The following RHOT1 variants were observed in gnomAD, a reference collection of about 807,000 sequenced individuals.
RHOT1 encodes ras homolog family member T1, also known as mitochondrial Rho GTPase 1.
RHOT1 carries 27 observed loss-of-function variants against 95.3 expected under a neutral mutation model. The observed-to-expected ratio is 0.28, with a 90% CI of 0.21 to 0.39. The LOEUF (loss-of-function observed/expected upper bound fraction) is 0.39, where lower values mean the gene tolerates loss of function less well. RHOT1 is among the 10% of genes least tolerant of loss of function. The pLI, the probability that RHOT1 is intolerant of heterozygous loss-of-function variation, is 1.00. For synonymous variants in RHOT1, 227 were observed against 263.5 expected, an observed-to-expected ratio of 0.86 and a Z score of 1.34; for missense variants, 578 against 786.7, an observed-to-expected ratio of 0.73 and a Z score of 3.17.
chr17:32,150,256 A>T (rs1228678754), intron 1 of RHOT1, among the ~76,000 whole-genome samples: 2 of 152,202 alleles, frequency 1.3e-5, no homozygotes, highest in Non-Finnish European at 2.9e-5. Context: ...CTCTTCCAAA[A>T]GGAAACACAA....
intron 19 of RHOT1, among the ~76,000 whole-genome samples, chr17:32,223,711 G>A (rs28534586): frequency 0.18 from 28,008 of 151,968 alleles, 2,678 homozygotes; most frequent in South Asian, 0.27. Context: ...ACTGCACCCG[G>A]CCAATTTTTT....
At chr17:32,161,597 T>C (rs189693740) in intron 1 of RHOT1, among the ~76,000 whole-genome samples, 4 of 152,360 alleles carry the variant, frequency 2.6e-5, no homozygotes, top group Admixed American at 2.0e-4. Context: ...TGCTTTAAGA[T>C]TAAACAGTAA....
intron 12 of RHOT1, 132 bp from the exon 13 acceptor site, chr17:32,199,273 T>A: frequency 1.2e-6 from 1 of 868,130 alleles, no homozygotes; most frequent in Non-Finnish European, 1.7e-6. Flanking sequence ...GGAATTTTCT[T>A]GATAAAATGT....
intron 18 of RHOT1, among the ~76,000 whole-genome samples, chr17:32,209,895 G>A (rs1353919961): frequency 6.6e-6 from 1 of 151,614 alleles, no homozygotes; most frequent in Non-Finnish European, 1.5e-5. Flanking sequence ...CAGTATGACA[G>A]CTGGCAGAGA....
chr17:32,164,484 G>A lies in RHOT1; in HGVS notation c.38-6559G>A, dbSNP rs887237531. On this transcript the variant is annotated intron_variant, in intron 1 of 19. Transcript: ENST00000545287. ...CTTGACCTCATGATCCGCCCACCTCGGCCTCCCAAAGTGCTAGAATTACAG... is the reference window on the plus strand; with the variant it reads ...CTTGACCTCATGATCCGCCCACCTCAGCCTCCCAAAGTGCTAGAATTACAG... 4.1e-4 allele frequency among the ~76,000 whole-genome samples: 63 copies of A among 151,846 alleles called. 1 individual carries two copies. Among genetic ancestry groups the A allele is most frequent in the Middle Eastern group, 6.8e-3 (2 of 294 alleles).
At chr17:32,147,635 C>T (rs2031562418) in intron 1 of RHOT1, among the ~76,000 whole-genome samples, 1 of 151,860 alleles carries the variant, frequency 6.6e-6, no homozygotes, top group Non-Finnish European at 1.5e-5. Flanking sequence ...GCCTGACTGA[C>T]ATGGTGAAAC....
chr17:32,156,027 C>T (rs2032932217), intron 1 of RHOT1, among the ~76,000 whole-genome samples: 1 of 152,074 alleles, frequency 6.6e-6, no homozygotes. Context: ...TTGCTGGAAC[C>T]TTAAGCAAGG....
intron 19 of RHOT1, among the ~76,000 whole-genome samples, chr17:32,218,514 A>G (rs968475583): frequency 4.4e-4 from 66 of 151,332 alleles, no homozygotes; most frequent in Non-Finnish European, 3.1e-4. Flanking sequence ...CTGAAAAAAA[A>G]AAAAAAAACA....
intron 18 of RHOT1, among the ~76,000 whole-genome samples, chr17:32,210,854 A>G (rs899160917): frequency 6.6e-5 from 10 of 151,974 alleles, no homozygotes; most frequent in Admixed American, 1.3e-4. Context: ...TAATAATTCC[A>G]TCCCCCCTCC....
intron 13 of RHOT1, among the ~76,000 whole-genome samples, chr17:32,200,286 G>GT (rs967173218): frequency 6.6e-5 from 10 of 151,362 alleles, no homozygotes; most frequent in South Asian, 6.3e-4. Flanking sequence ...TAAGGAGGTT[G>GT]TTTTTTTTGG....
intron 8 of RHOT1, among the ~76,000 whole-genome samples, chr17:32,189,582 T>C (rs1170421700): frequency 2.0e-5 from 3 of 152,126 alleles, no homozygotes; most frequent in African/African-American, 7.2e-5. Context: ...GTAAAATATC[T>C]ACCACCATCT....
intron 1 of RHOT1, among the ~76,000 whole-genome samples, chr17:32,149,609 ATATATATATATATATATATATATATATG>A (rs1161332819): frequency 2.6e-5 from 2 of 76,978 alleles, no homozygotes; most frequent in African/African-American, 9.5e-5. Context: ...ATATATATAT[ATATATATATATATATATATATATATATG>A]TGTGTGTGTG....
At chr17:32,143,313 A>G (rs2030734880) in intron 1 of RHOT1, among the ~76,000 whole-genome samples, 2 of 152,308 alleles carry the variant, frequency 1.3e-5, no homozygotes, top group South Asian at 2.1e-4. Context: ...ACATTAAGAT[A>G]TGAGTAGTGG....
At chr17:32,155,187 G>A (rs891772209) in intron 1 of RHOT1, among the ~76,000 whole-genome samples, 5 of 151,972 alleles carry the variant, frequency 3.3e-5, no homozygotes, top group Non-Finnish European at 5.9e-5. Flanking sequence ...ATGGAGTCTC[G>A]CTCTGTCGCC....
At chr17:32,224,532 C>A (rs2039028072) in intron 19 of RHOT1, 84 bp from the exon 20 acceptor site, 1 of 893,400 alleles carries the variant, frequency 1.1e-6, no homozygotes, top group Non-Finnish European at 1.7e-6. Context: ...GCTAATACTT[C>A]CCTAAAAGTA....
At chr17:32,147,477 T>TA (rs148104917) in intron 1 of RHOT1, among the ~76,000 whole-genome samples, 2,110 of 147,716 alleles carry the variant, frequency 0.014, 27 homozygotes, top group Admixed American at 0.025. Context: ...TTTTAACTAT[T>TA]AAAAAAAAAA....
chr17:32,149,613 A>ATGTGTGTG (rs1261403430), intron 1 of RHOT1, among the ~76,000 whole-genome samples: 46 of 82,132 alleles, frequency 5.6e-4, no homozygotes, highest in African/African-American at 3.4e-3. Flanking sequence ...ATATATATAT[A>ATGTGTGTG]TATATATATA....
chr17:32,154,280 G>T (rs2032680683), intron 1 of RHOT1, among the ~76,000 whole-genome samples: 1 of 135,648 alleles, frequency 7.4e-6, no homozygotes, highest in Non-Finnish European at 1.5e-5. Context: ...GTCTCTACGA[G>T]AAATTAAAAA....
intron 2 of RHOT1, among the ~76,000 whole-genome samples, chr17:32,172,242 T>C (rs1351824402): frequency 6.6e-6 from 1 of 152,214 alleles, no homozygotes. Flanking sequence ...TTTTTTCTCT[T>C]AGACAAGATG....
Sources: gnomAD v4.1 joint callset for allele counts (sites outside exome capture counted in the v4.1 genomes callset) on GRCh38, gnomAD v4.1.1 for gene constraint, MANE v1.5 for transcripts, NCBI Gene and HGNC (gene_info 2026-07-23, HGNC 2026-07-21) for gene names.